Variants in TASOR2 observed in about 807,000 individuals in gnomAD.
TASOR2 encodes protein TASOR 2.
Under a neutral mutation model 199.5 loss-of-function variants are expected in TASOR2, and 84 were observed. The ratio of observed to expected loss-of-function variants is 0.42; its 90% CI spans 0.35 to 0.50. The LOEUF (loss-of-function observed/expected upper bound fraction) is 0.50, where lower values mean the gene tolerates loss of function less well. Among genes scored for constraint, TASOR2 ranks in the 20% least tolerant of loss-of-function variants. The pLI is 0.02. For missense variants in TASOR2, 2,796 were observed against 2,835.9 expected (o/e 0.99, Z 0.32); for synonymous variants, 1,103 against 1,046.6 (o/e 1.05, Z -1.04).
rs1835965156 is a variant in TASOR2 at position 5,738,746 on chromosome 10, G to C, written c.1448-872G>C. 7.4e-6 allele frequency among the ~76,000 whole-genome samples: 1 copy of C among 135,398 alleles called. No individual in the cohort carries two copies. The highest frequency in any genetic ancestry group is 7.8e-5 in the Admixed American group (1 of 12,788). The allele number at this position is 135,398 out of a possible 152,430, so 88.8% of individuals were successfully genotyped here. A position where few individuals can be genotyped will look rare whatever the true frequency, so the allele number is the denominator to read the frequency against. On this transcript the variant is annotated intron_variant, in intron 12 of 20. Transcript: ENST00000328090. This position sits in a 1 kb window ranked among gnomAD's most constrained non-coding sequence, Gnocchi z 4.7. ...ACATAGTTGGCTTTTCTGGTCATCT[G>C]TCTACCTGCAGCAGGGAATCATTGC...
chr10:5,747,415 A>T (rs754771973), exon 15 of TASOR2: 2 of 1,614,124 alleles, frequency 1.2e-6, no homozygotes, highest in Non-Finnish European at 1.7e-6. Flanking sequence ...GGTGGCTCTC[A>T]CAGAAAGCAG....
In TASOR2 at chr10:5,690,817, G is replaced by A. The variant is rs1836331229; in HGVS notation, c.-288+5642G>A. Among the ~76,000 whole-genome samples, 1 of 152,140 alleles carries A rather than the reference G, an allele frequency of 6.6e-6. No individual in the cohort carries two copies. Among genetic ancestry groups the A allele is most frequent in the Non-Finnish European group, 1.5e-5 (1 of 68,030 alleles). On this transcript the variant is annotated intron_variant, in intron 1 of 20. Coordinates refer to ENST00000328090, the Ensembl canonical transcript of TASOR2. This position sits in a 1 kb window ranked among gnomAD's most constrained non-coding sequence, Gnocchi z 4.8. Reference sequence around the variant, plus strand: ...ACAAACTCATAAACCCAGTTGATGAGGAGCCAGAACAATGGTCATTACTGT... The same window carrying A: ...ACAAACTCATAAACCCAGTTGATGAAGAGCCAGAACAATGGTCATTACTGT...
chr10:5,709,648 T>A (rs1831661029), intron 1 of TASOR2: 2 of 1,230,922 alleles, frequency 1.6e-6, no homozygotes, highest in Admixed American at 4.2e-5. Flanking sequence ...CGAGACAGGG[T>A]CCCTATCAGA....
Position 5,706,517 on chromosome 10 carries a change from C to G in TASOR2, c.-287-6306C>G, listed in dbSNP as rs557199833. ...GTCCTTCCAAAAAAAAGAAAAGAAG[C>G]TGCTCAAAACAGACAAAATCTTTGA... On this transcript the variant is annotated intron_variant, in intron 1 of 20. Transcript: ENST00000328090. This position sits in a 1 kb window ranked among gnomAD's most constrained non-coding sequence, Gnocchi z 4.8. Among the ~76,000 whole-genome samples the G allele has an allele frequency of 6.6e-6, 1 of 152,148 alleles. No homozygotes were observed. Among genetic ancestry groups the G allele is most frequent in the Admixed American group, 6.5e-5 (1 of 15,276 alleles).
In TASOR2 at chr10:5,752,273, G is replaced by GA. The variant is rs1303748106; in HGVS notation, c.6606+2249dup. On this transcript the variant is annotated intron_variant, in intron 15 of 20. Coordinates refer to ENST00000328090, the Ensembl canonical transcript of TASOR2. The surrounding 1 kb of genome is among the most constrained non-coding windows in gnomAD (Gnocchi z 4.4). ...AGAGTCACACAAATAAATGTGAAAT[G>GA]AAAGTGATGGTAAATGTGACGCAGG... is the stretch of plus-strand genomic sequence containing the variant. Among the ~76,000 whole-genome samples, 1 of 152,234 alleles carries GA rather than the reference G, an allele frequency of 6.6e-6. No individual in the cohort carries two copies. The highest frequency in any genetic ancestry group is 1.5e-5 in the Non-Finnish European group (1 of 68,036).
At chr10:5,753,519 T>C (rs1055784724) in intron 15 of TASOR2, among the ~76,000 whole-genome samples, 3 of 152,178 alleles carry the variant, frequency 2.0e-5, no homozygotes, top group Non-Finnish European at 2.9e-5. Flanking sequence ...CCCGCCACCA[T>C]GCCCAGCTAA....
At chr10:5,759,097 A>G in intron 18 of TASOR2, 105 bp downstream of exon 19, 1 of 750,466 alleles carries the variant, frequency 1.3e-6, no homozygotes. Flanking sequence ...AATGGCCTTC[A>G]TCAGTAAAGA....
At position 5,685,163 on chromosome 10, in the gene TASOR2, A is replaced by T; in HGVS notation, c.-300A>T. On this transcript the variant is annotated 5_prime_UTR_variant, in exon 1 of 21. Coordinates refer to ENST00000328090, the Ensembl canonical transcript of TASOR2. This position sits in a 1 kb window ranked among gnomAD's most constrained non-coding sequence, Gnocchi z 5.4. ...TCTCAGGTCCTCGGGGGCGGCGGCC[A>T]CGCCAAGGACGGGTAAGTCCCTCCT... is the stretch of plus-strand genomic sequence containing the variant. The T allele has an allele frequency of 2.5e-6, 1 of 398,058 alleles. No individual in the cohort carries two copies. 24.7% of individuals were successfully genotyped at this position (398,058 alleles called of 1,614,324 possible).
intron 1 of TASOR2, among the ~76,000 whole-genome samples, chr10:5,707,589 A>G (rs1838792906): frequency 6.6e-6 from 1 of 152,082 alleles, no homozygotes; most frequent in Non-Finnish European, 1.5e-5. Context: ...TTCCTAAAAC[A>G]AACACTATTC....
intron 10 of TASOR2, among the ~76,000 whole-genome samples, chr10:5,727,761 A>G (rs1299297842): frequency 2.0e-5 from 3 of 152,122 alleles, no homozygotes; most frequent in Non-Finnish European, 4.4e-5. Context: ...TGTTCCCGTC[A>G]ACACTCTTTG....
At chr10:5,695,120 A>G (rs192355170) in intron 1 of TASOR2, among the ~76,000 whole-genome samples, 1 of 152,320 alleles carries the variant, frequency 6.6e-6, no homozygotes, top group Admixed American at 6.5e-5. Flanking sequence ...GAGTTTCGGA[A>G]CAGATTAAAT....
chr10:5,726,572 G>A (rs1388167965), intron 8 of TASOR2, among the ~76,000 whole-genome samples: 3 of 152,102 alleles, frequency 2.0e-5, no homozygotes, highest in South Asian at 2.1e-4. Context: ...GGCTGTTTAG[G>A]CAGTGGTATG....
chr10:5,713,488 A>G (rs2131552211), intron 2 of TASOR2, among the ~76,000 whole-genome samples: 1 of 152,306 alleles, frequency 6.6e-6, no homozygotes, highest in African/African-American at 2.4e-5. Flanking sequence ...AGAGATCTAA[A>G]ATAATTCAAA....
chr10:5,705,955 A>AT (rs890312508), intron 1 of TASOR2, among the ~76,000 whole-genome samples: 1 of 151,996 alleles, frequency 6.6e-6, no homozygotes, highest in African/African-American at 2.4e-5. Context: ...AGTCAAGTAC[A>AT]TTTTTTCCTA....
At chr10:5,762,050 G>A (rs1308896752) in intron 19 of TASOR2, among the ~76,000 whole-genome samples, 2 of 152,144 alleles carry the variant, frequency 1.3e-5, no homozygotes, top group Non-Finnish European at 2.9e-5. Flanking sequence ...GCTGAAGCAG[G>A]TGGATCACTG....
intron 14 of TASOR2, among the ~76,000 whole-genome samples, chr10:5,744,751 C>G (rs1836941459): frequency 6.6e-6 from 1 of 152,124 alleles, no homozygotes; most frequent in South Asian, 2.1e-4. Context: ...GCCTCAGCCT[C>G]CCGAGTAGCT....
At chr10:5,753,073 C>T (rs1033070582) in intron 15 of TASOR2, among the ~76,000 whole-genome samples, 10 of 151,924 alleles carry the variant, frequency 6.6e-5, no homozygotes, top group African/African-American at 2.2e-4. Context: ...TCTTTAAAAA[C>T]TGGTTGTGAT....
chr10:5,712,472 C>G, intron 1 of TASOR2: 5 of 1,231,708 alleles, frequency 4.1e-6, no homozygotes, highest in Non-Finnish European at 5.1e-6. Flanking sequence ...TACTTGGACT[C>G]TTCATCTGAG....
At chr10:5,734,712 G>A (rs908429637) in intron 11 of TASOR2, among the ~76,000 whole-genome samples, 1 of 125,452 alleles carries the variant, frequency 8.0e-6, no homozygotes, top group Non-Finnish European at 1.6e-5. Context: ...GAAAGGTTAT[G>A]AAGATTTTTT....
Sources: gnomAD v4.1 joint callset for allele counts (sites outside exome capture counted in the v4.1 genomes callset) on GRCh38, gnomAD v4.1.1 for gene constraint, Gnocchi (gnomAD v3.1) non-coding constraint, MANE v1.5 for transcripts, NCBI Gene and HGNC (gene_info 2026-07-23, HGNC 2026-07-21) for gene names.